Variants in NECTIN2 observed in about 807,000 individuals in gnomAD.
NECTIN2 encodes nectin-2.
NECTIN2 carries 23 observed loss-of-function variants against 56.9 expected under a neutral mutation model. That is an observed-to-expected ratio of 0.40 (90% CI 0.29 to 0.57). NECTIN2 has a LOEUF of 0.57. Ranked by LOEUF, NECTIN2 falls within the 20% of genes least tolerant of loss-of-function variation. NECTIN2 has a pLI of 0.38. For missense variants in NECTIN2, 587 were observed against 718.3 expected (o/e 0.82, Z 2.09); for synonymous variants, 302 against 313.8 (o/e 0.96, Z 0.40).
rs1171718325 is a variant in NECTIN2, at chr19:44,871,935, G to A, written c.561G>A (p.Glu187=). ...CAGTGGCCCTCTGCATCTCCAAAGA[G>A]GGCCGCCCACCTGCCCGGATCTCCT... ...PTTVALCISK[E]GRPPARISWL... is the part of the protein sequence containing the mutation. Residue 187 remains glutamate (E), a synonymous_variant, in exon 3 of 9, where the codon GAG becomes GAA. Coordinates refer to ENST00000252483, the MANE Select transcript of NECTIN2 (RefSeq NM_001042724.2). 1 of 1,614,158 alleles carries A rather than the reference G, an allele frequency of 6.2e-7. No homozygotes were observed. Among genetic ancestry groups the A allele is most frequent in the Non-Finnish European group, 8.5e-7 (1 of 1,180,022 alleles).
At chr19:44,867,019 A>G (rs1349511216) in intron 2 of NECTIN2, among the ~76,000 whole-genome samples, 1 of 151,810 alleles carries the variant, frequency 6.6e-6, no homozygotes, top group African/African-American at 2.4e-5. Context: ...ATGACAAAAA[A>G]AATTTTTTTT....
intron 1 of NECTIN2, among the ~76,000 whole-genome samples, chr19:44,862,991 A>G (rs1162363607): frequency 2.0e-5 from 1 of 49,616 alleles, no homozygotes; most frequent in African/African-American, 1.0e-4. Context: ...TACTAAAAAT[A>G]CAAAAAAAAA....
chr19:44,874,235 G>A lies in NECTIN2; in HGVS notation c.894-95G>A, dbSNP rs1969210388. 2.0e-6 allele frequency: 3 copies of A among 1,478,612 alleles called. No individual in the cohort carries two copies. In the African/African-American group the frequency reaches 4.2e-5, roughly 21 times the overall value. 91.6% of individuals were successfully genotyped at this position (1,478,612 alleles called of 1,614,324 possible). On this transcript the variant is annotated intron_variant, in intron 4 of 8. Transcript: ENST00000252483. This position sits in a 1 kb window ranked among gnomAD's most constrained non-coding sequence, Gnocchi z 6.3. The stretch of plus-strand genomic sequence containing the variant: ...GGTCTCCGGGAGTACTTAGGTCCCT[G>A]GAGCTTGGCTCCTGGTGGGTGTATC...
chr19:44,862,718 A>T (rs545400989), intron 1 of NECTIN2, among the ~76,000 whole-genome samples: 4 of 152,226 alleles, frequency 2.6e-5, no homozygotes, highest in African/African-American at 9.6e-5. Context: ...GAGGGTTGAA[A>T]AATTAACTGT....
chr19:44,872,236 GT>G (rs1474450354), intron 3 of NECTIN2, 87 bp downstream of exon 3: 2 of 1,464,878 alleles, frequency 1.4e-6, no homozygotes, highest in Non-Finnish European at 1.8e-6. Flanking sequence ...TCTGAATGTT[GT>G]CTACGTGGGT....
At chr19:44,857,907 A>G (rs1368652917) in intron 1 of NECTIN2, among the ~76,000 whole-genome samples, 1 of 152,188 alleles carries the variant, frequency 6.6e-6, no homozygotes, top group Non-Finnish European at 1.5e-5. Flanking sequence ...AAGAATTTAC[A>G]TTGAAACAGC....
chr19:44,865,347 C>T lies in NECTIN2; in HGVS notation c.165C>T (p.His55=). ...GGGGCACCGTGGAGCTGCCGTGCCA[C>T]CTGCTGCCACCTGTTCCTGGACTGT... ...QLGGTVELPC[H]LLPPVPGLYI... Residue 55 remains histidine, a synonymous_variant, in exon 2 of 9, where the codon CAC becomes CAT. Transcript: ENST00000252483. The surrounding 1 kb of genome is among the most constrained non-coding windows in gnomAD (Gnocchi z 5.2). 6.2e-7 allele frequency: 1 copy of T among 1,614,164 alleles called. No individual in the cohort carries two copies. The highest frequency in any genetic ancestry group is 8.5e-7 in the Non-Finnish European group (1 of 1,180,018).
intron 8 of NECTIN2, among the ~76,000 whole-genome samples, chr19:44,886,914 T>C (rs1458980959): frequency 6.7e-6 from 1 of 149,912 alleles, no homozygotes; most frequent in Non-Finnish European, 1.5e-5. Flanking sequence ...CTGGATGTGG[T>C]GGCAAATGCC....
chr19:44,878,491 TGAG>T lies in NECTIN2; in HGVS notation c.1043-3702_1043-3700del, dbSNP rs558397688. 1.9e-3 allele frequency: 2,985 copies of T among 1,565,574 alleles called. 6 individuals are homozygous for T. Among genetic ancestry groups the T allele is most frequent in the Non-Finnish European group, 2.2e-3 (2,563 of 1,148,886 alleles). On this transcript the variant is annotated intron_variant, in intron 5 of 8. Coordinates refer to ENST00000252483, the MANE Select transcript of NECTIN2 (RefSeq NM_001042724.2). The stretch of plus-strand genomic sequence containing the variant: ...GTCCCATGGAACCAGATGGCAAGGA[TGAG>T]GAGGAGGAGGAGGAGGAAGAGAAGG...
chr19:44,849,694 G>A (rs1305851284), intron 1 of NECTIN2, among the ~76,000 whole-genome samples: 1 of 152,158 alleles, frequency 6.6e-6, no homozygotes, highest in African/African-American at 2.4e-5. Flanking sequence ...AAACAGAGAC[G>A]TAGACCAGAA....
intron 1 of NECTIN2, among the ~76,000 whole-genome samples, chr19:44,860,655 A>G (rs1969021484): frequency 6.6e-6 from 1 of 151,508 alleles, no homozygotes; most frequent in African/African-American, 2.4e-5. Context: ...TTCTTTTTTC[A>G]AGACAGAGTC....
Position 44,882,359 on chromosome 19 carries a change from C to T in NECTIN2, c.1191C>T (p.Asp397=), listed in dbSNP as rs748595073. ...AGACGCTGCAGGGGGCAGAGGAGGACGAAGAGTAAGTGATGGGCCCTGAGA... is the reference window on the plus strand; with the variant it reads ...AGACGCTGCAGGGGGCAGAGGAGGATGAAGAGTAAGTGATGGGCCCTGAGA... ...KEQTLQGAEE[D]EDLEGPPSYK... Residue 397 remains aspartate, a synonymous_variant, in exon 6 of 9, where the codon GAC becomes GAT. Coordinates refer to ENST00000252483, the MANE Select transcript of NECTIN2 (RefSeq NM_001042724.2). 1.4e-4 allele frequency: 194 copies of T among 1,435,376 alleles called. No homozygotes were observed. Among genetic ancestry groups the T allele is most frequent in the Non-Finnish European group, 1.6e-4 (177 of 1,082,556 alleles). 88.9% of individuals were successfully genotyped at this position (1,435,376 alleles called of 1,614,324 possible). A position where few individuals can be genotyped will look rare whatever the true frequency, so the allele number is the denominator to read the frequency against.
chr19:44,846,636 T>C (rs965452498), intron 1 of NECTIN2, 23 bp downstream of exon 1: 1 of 1,518,902 alleles, frequency 6.6e-7, no homozygotes, highest in Non-Finnish European at 8.8e-7. Context: ...GACGGCCCCC[T>C]GCCCTCGCGC....
intron 2 of NECTIN2, among the ~76,000 whole-genome samples, chr19:44,866,373 C>G (rs972929422): frequency 1.2e-4 from 18 of 151,804 alleles, no homozygotes; most frequent in African/African-American, 3.6e-4. Flanking sequence ...CCACTACACT[C>G]TAGCCTGGGT....
At chr19:44,886,317 T>C (rs908508653) in intron 8 of NECTIN2, 98 bp downstream of exon 8, 52 of 959,100 alleles carry the variant, frequency 5.4e-5, no homozygotes, top group Non-Finnish European at 7.8e-5. Context: ...AGGTCATAAC[T>C]CAAGGTCAAG....
intron 1 of NECTIN2, among the ~76,000 whole-genome samples, chr19:44,856,893 C>T (rs1364172069): frequency 6.6e-6 from 1 of 152,222 alleles, no homozygotes; most frequent in South Asian, 2.1e-4. Flanking sequence ...CCAAAGCAAA[C>T]ATGCACCACA....
intron 1 of NECTIN2, among the ~76,000 whole-genome samples, chr19:44,859,787 T>C (rs1168395145): frequency 1.3e-5 from 2 of 148,874 alleles, no homozygotes; most frequent in East Asian, 4.0e-4. Context: ...ACCGTGCCAC[T>C]GCACTCCAAC....
At chr19:44,859,825 CAAA>C (rs35459524) in intron 1 of NECTIN2, among the ~76,000 whole-genome samples, 19 of 124,260 alleles carry the variant, frequency 1.5e-4, no homozygotes, top group Non-Finnish European at 1.4e-4. Flanking sequence ...ACTCCGTCTC[CAAA>C]AAAAAAAAAA....
chr19:44,848,541 A>C (rs993855307), intron 1 of NECTIN2, among the ~76,000 whole-genome samples: 17 of 151,924 alleles, frequency 1.1e-4, no homozygotes, highest in Non-Finnish European at 2.2e-4. Flanking sequence ...CCCAGGCCCC[A>C]CTGATTCCCT....
Sources: gnomAD v4.1 joint callset for allele counts (sites outside exome capture counted in the v4.1 genomes callset) on GRCh38, gnomAD v4.1.1 for gene constraint, Gnocchi (gnomAD v3.1) non-coding constraint, MANE v1.5 for transcripts, NCBI Gene and HGNC (gene_info 2026-07-23, HGNC 2026-07-21) for gene names.